The following PLS1 variants were observed in gnomAD, a reference collection of about 807,000 sequenced individuals.
The protein encoded by PLS1 is plastin 1.
PLS1 carries 32 observed loss-of-function variants against 73.7 expected under a neutral mutation model. The observed-to-expected ratio is 0.43, with a 90% CI of 0.33 to 0.58. The LOEUF (loss-of-function observed/expected upper bound fraction) is 0.58, where lower values mean the gene tolerates loss of function less well. PLS1 is among the 20% of genes least tolerant of loss of function. The pLI is 0.04. For missense variants in PLS1, 633 were observed against 740.5 expected (o/e 0.85, Z 1.68); for synonymous variants, 217 against 261.3 (o/e 0.83, Z 1.63).
At chr3:142,704,130 A>G (rs2107957346) in intron 13 of PLS1, 129 bp downstream of exon 13, 1 of 711,696 alleles carries the variant, frequency 1.4e-6, no homozygotes, top group East Asian at 2.9e-5. Flanking sequence ...TTTAATTTTT[A>G]AAGGATTTAC....
At chr3:142,694,779 C>A (rs2107925727) in intron 11 of PLS1, among the ~76,000 whole-genome samples, 1 of 152,108 alleles carries the variant, frequency 6.6e-6, no homozygotes, top group South Asian at 2.1e-4. Context: ...AAAGATAATC[C>A]TTTTTTATAG....
intron 1 of PLS1, among the ~76,000 whole-genome samples, chr3:142,648,880 C>T (rs2037017847): frequency 6.6e-6 from 1 of 152,134 alleles, no homozygotes; most frequent in Non-Finnish European, 1.5e-5. Flanking sequence ...GGGTCAGGCA[C>T]CACTTTGGAA....
intron 1 of PLS1, among the ~76,000 whole-genome samples, chr3:142,600,907 TA>T (rs1560024513): frequency 8.3e-4 from 25 of 30,272 alleles, no homozygotes; most frequent in African/African-American, 4.8e-3. Flanking sequence ...TATATATATA[TA>T]TATATATATT....
At chr3:142,601,064 C>G in intron 1 of PLS1, among the ~76,000 whole-genome samples, 1 of 145,066 alleles carries the variant, frequency 6.9e-6, no homozygotes, top group East Asian at 2.0e-4. Flanking sequence ...GCTGGGACTA[C>G]AGGCACCCGC....
intron 1 of PLS1, among the ~76,000 whole-genome samples, chr3:142,656,028 C>T (rs2037228797): frequency 6.6e-6 from 1 of 152,108 alleles, no homozygotes; most frequent in Non-Finnish European, 1.5e-5. Flanking sequence ...GTGGTGCAAT[C>T]TCAGTTCACT....
chr3:142,621,072 C>T (rs916257477), intron 1 of PLS1, among the ~76,000 whole-genome samples: 1 of 151,972 alleles, frequency 6.6e-6, no homozygotes, highest in Non-Finnish European at 1.5e-5. Context: ...TACACTTGGC[C>T]CTGATCAGTG....
chr3:142,683,984 AC>A (rs1183532896), intron 6 of PLS1, 21 bp from the exon 7 acceptor site: 17 of 1,560,432 alleles, frequency 1.1e-5, no homozygotes, highest in Non-Finnish European at 1.4e-5. Context: ...CCTCATGTGT[AC>A]TTTTTTTTTT....
At chr3:142,690,701 TG>T (rs1193787606) in intron 10 of PLS1, among the ~76,000 whole-genome samples, 2 of 152,246 alleles carry the variant, frequency 1.3e-5, no homozygotes, top group Non-Finnish European at 2.9e-5. Flanking sequence ...CATATTATTT[TG>T]TATCAATTAG....
chr3:142,614,962 G>A (rs1301693391), intron 1 of PLS1, among the ~76,000 whole-genome samples: 1 of 152,120 alleles, frequency 6.6e-6, no homozygotes, highest in Non-Finnish European at 1.5e-5. Flanking sequence ...GCTATACTAC[G>A]GGTCTCAAGG....
chr3:142,645,142 T>C (rs895357881), intron 1 of PLS1, among the ~76,000 whole-genome samples: 3 of 152,062 alleles, frequency 2.0e-5, no homozygotes, highest in Admixed American at 2.0e-4. Context: ...AATTTGATAG[T>C]TAATTATTTG....
intron 1 of PLS1, among the ~76,000 whole-genome samples, chr3:142,618,541 A>G (rs570209552): frequency 6.6e-6 from 1 of 152,156 alleles, no homozygotes; most frequent in Non-Finnish European, 1.5e-5. Context: ...AATCGTTTTC[A>G]TGGCTCATTT....
intron 12 of PLS1, among the ~76,000 whole-genome samples, chr3:142,703,405 C>T (rs751410456): frequency 2.0e-5 from 3 of 151,636 alleles, no homozygotes; most frequent in African/African-American, 7.3e-5. Context: ...AAGCGATTCT[C>T]CTGCCTCAGC....
chr3:142,632,398 A>G (rs1217388780), intron 1 of PLS1, among the ~76,000 whole-genome samples: 1 of 152,172 alleles, frequency 6.6e-6, no homozygotes. Flanking sequence ...GCCCATTAGG[A>G]TGACCAACAG....
At position 142,664,476 on chromosome 3, in the gene PLS1, G is replaced by A. The variant is rs2272150; in HGVS notation, c.70+169G>A. On this transcript the variant is annotated intron_variant, in intron 2 of 15. Coordinates refer to ENST00000457734, the MANE Select transcript of PLS1 (RefSeq NM_001145319.2). ...TCTTTCTTTCTGAAAGATAAGCTACGACTAGCTTGAATTTCTAGGTGAATT... is the reference window on the plus strand; with the variant it reads ...TCTTTCTTTCTGAAAGATAAGCTACAACTAGCTTGAATTTCTAGGTGAATT... Among the ~76,000 whole-genome samples, 11,945 of 152,002 alleles carry A rather than the reference G, an allele frequency of 0.079. 597 individuals carry two copies. The highest frequency in any genetic ancestry group is 0.12 in the Non-Finnish European group (8,031 of 67,948).
At chr3:142,663,227 AAAAG>A (rs2037409043) in intron 1 of PLS1, among the ~76,000 whole-genome samples, 1 of 152,222 alleles carries the variant, frequency 6.6e-6, no homozygotes, top group South Asian at 2.1e-4. Context: ...AAAAAATAAA[AAAAG>A]AAAGTAGGTC....
intron 2 of PLS1, among the ~76,000 whole-genome samples, chr3:142,666,679 A>G (rs1248091295): frequency 6.6e-6 from 1 of 152,256 alleles, no homozygotes; most frequent in African/African-American, 2.4e-5. Flanking sequence ...GAATTGCTAC[A>G]TCATGTGATA....
At chr3:142,622,506 G>A (rs1052267820) in intron 1 of PLS1, among the ~76,000 whole-genome samples, 2 of 151,806 alleles carry the variant, frequency 1.3e-5, no homozygotes, top group African/African-American at 2.4e-5. Context: ...ATACAGTACT[G>A]TATGTACTTA....
At chr3:142,652,199 G>A (rs944549621) in intron 1 of PLS1, among the ~76,000 whole-genome samples, 22 of 152,250 alleles carry the variant, frequency 1.4e-4, no homozygotes, top group East Asian at 7.7e-4. Flanking sequence ...TTCCCACTTC[G>A]TAGATTCTAA....
At chr3:142,648,096 C>T (rs994986954) in intron 1 of PLS1, among the ~76,000 whole-genome samples, 2 of 152,166 alleles carry the variant, frequency 1.3e-5, no homozygotes, top group East Asian at 1.9e-4. Context: ...ATTTGATTGC[C>T]TCCAACACTT....
Sources: allele counts gnomAD v4.1 joint callset (sites outside exome capture counted in the v4.1 genomes callset), GRCh38; gene constraint gnomAD v4.1.1; transcripts MANE v1.5; gene names NCBI Gene and HGNC (gene_info 2026-07-23, HGNC 2026-07-21).